Variants in OPN5 observed in about 807,000 individuals in gnomAD.
OPN5 encodes opsin-5.
Under a neutral mutation model 41.7 loss-of-function variants are expected in OPN5, and 18 were observed. That is an observed-to-expected ratio of 0.43 (90% CI 0.30 to 0.64). The LOEUF is 0.64. OPN5 is among the 30% of genes least tolerant of loss of function. The pLI, the probability that OPN5 is intolerant of heterozygous loss-of-function variation, is 0.13. For missense variants in OPN5, 318 were observed against 434.5 expected, an observed-to-expected ratio of 0.73 and a Z score of 2.38; for synonymous variants, 178 against 164.3, an observed-to-expected ratio of 1.08 and a Z score of -0.64.
At chr6:47,813,954 C>T (rs922642886) in intron 6 of OPN5, among the ~76,000 whole-genome samples, 5 of 151,724 alleles carry the variant, frequency 3.3e-5, no homozygotes, top group Admixed American at 6.6e-5. Context: ...ATGTTGAATG[C>T]GGAGCATTTG....
At chr6:47,800,676 G>C (rs183972184) in intron 4 of OPN5, among the ~76,000 whole-genome samples, 1 of 152,246 alleles carries the variant, frequency 6.6e-6, no homozygotes, top group Admixed American at 6.5e-5. Flanking sequence ...TTTGGGGAAA[G>C]GCCTGTTATC....
intron 6 of OPN5, 105 bp downstream of exon 6, chr6:47,811,836 AT>A: frequency 1.5e-6 from 1 of 666,244 alleles, no homozygotes; most frequent in Non-Finnish European, 2.5e-6. Flanking sequence ...TTTATATTAT[AT>A]TTTTATATTT....
chr6:47,796,879 G>T (rs972674009), intron 4 of OPN5, among the ~76,000 whole-genome samples: 2 of 152,220 alleles, frequency 1.3e-5, no homozygotes, highest in East Asian at 3.8e-4. Context: ...AAAGGAAAGA[G>T]ATTTAATTGA....
chr6:47,787,109 G>A (rs1773216181), intron 2 of OPN5: 1 of 981,802 alleles, frequency 1.0e-6, no homozygotes, highest in Non-Finnish European at 1.2e-6. Flanking sequence ...AGAGGAAAGA[G>A]GTGCCCTGCT....
intron 6 of OPN5, among the ~76,000 whole-genome samples, chr6:47,814,989 T>A (rs1762388714): frequency 1.3e-5 from 2 of 152,052 alleles, no homozygotes; most frequent in Admixed American, 1.3e-4. Context: ...AAATCCTAGA[T>A]CCCTGGACTT....
chr6:47,824,322 T>C (rs1561910005), exon 7 of OPN5: 2 of 363,250 alleles, frequency 5.5e-6, no homozygotes, highest in Non-Finnish European at 1.0e-5. Flanking sequence ...AAAGCTGGCC[T>C]GAAAAGCCTG....
At chr6:47,801,499 C>T (rs1773772092) in intron 4 of OPN5, among the ~76,000 whole-genome samples, 1 of 152,120 alleles carries the variant, frequency 6.6e-6, no homozygotes, top group Admixed American at 6.5e-5. Context: ...ATTCAGAAGA[C>T]CCCCTGTGTG....
At chr6:47,799,249 C>G (rs1038337926) in intron 4 of OPN5, among the ~76,000 whole-genome samples, 3 of 150,216 alleles carry the variant, frequency 2.0e-5, no homozygotes, top group Non-Finnish European at 4.4e-5. Context: ...ACATGATATA[C>G]ATGATATACA....
chr6:47,807,282 A>G (rs940423044), intron 4 of OPN5, among the ~76,000 whole-genome samples: 1 of 152,212 alleles, frequency 6.6e-6, no homozygotes, highest in African/African-American at 2.4e-5. Context: ...CTCAGGCTCT[A>G]GGTTTTACTG....
At chr6:47,787,181 G>GGTCCTCAAA in intron 2 of OPN5, 1 of 983,656 alleles carries the variant, frequency 1.0e-6, no homozygotes, top group Non-Finnish European at 1.2e-6. Flanking sequence ...CTGGTTCAGT[G>GGTCCTCAAA]GTCCTCAAAT....
At chr6:47,795,778 T>TCTCACACACACAAA (rs766899041) in intron 4 of OPN5, among the ~76,000 whole-genome samples, 1 of 142,804 alleles carries the variant, frequency 7.0e-6, no homozygotes, top group Non-Finnish European at 1.5e-5. Flanking sequence ...TCTCTCTCTC[T>TCTCACACACACAAA]CACACACACA....
chr6:47,800,727 C>A (rs746276960), intron 4 of OPN5, among the ~76,000 whole-genome samples: 1 of 152,144 alleles, frequency 6.6e-6, no homozygotes, highest in African/African-American at 2.4e-5. Context: ...GTCAGCCTGG[C>A]ACCCAATCCC....
intron 1 of OPN5, among the ~76,000 whole-genome samples, chr6:47,783,229 C>G (rs928766068): frequency 2.0e-5 from 3 of 151,980 alleles, no homozygotes; most frequent in African/African-American, 7.2e-5. Context: ...AGAAACCATA[C>G]TTTTCTTAAA....
intron 4 of OPN5, among the ~76,000 whole-genome samples, chr6:47,800,387 T>C (rs1309110339): frequency 6.6e-6 from 1 of 152,130 alleles, no homozygotes; most frequent in Non-Finnish European, 1.5e-5. Flanking sequence ...GAAGCTCTCC[T>C]CTTGAGCTGC....
chr6:47,819,792 T>A (rs1470060753), intron 6 of OPN5, among the ~76,000 whole-genome samples: 4 of 152,208 alleles, frequency 2.6e-5, no homozygotes, highest in Non-Finnish European at 5.9e-5. Context: ...GCTCATTCTG[T>A]ATTGATTGCA....
rs1303639972 is a variant in OPN5 at position 47,789,360 on chromosome 6, C to G, written c.251-2442C>G. ...TTATTTTCCTTCATTGTACTAATCA[C>G]TACCTATCTTTCTGTCATACCACAT... is the stretch of plus-strand genomic sequence containing the variant. On this transcript the variant is annotated intron_variant, in intron 2 of 6. Transcript: ENST00000371211. Among the ~76,000 whole-genome samples the G allele has an allele frequency of 2.0e-5, 3 of 151,922 alleles. No individual in the cohort carries two copies. The East Asian group carries it at 5.8e-4, about 29-fold the overall frequency.
chr6:47,784,865 C>T (rs754176288), intron 1 of OPN5, among the ~76,000 whole-genome samples: 4 of 152,028 alleles, frequency 2.6e-5, no homozygotes, highest in African/African-American at 4.8e-5. Flanking sequence ...AAAGTGTCCC[C>T]ACTTTGGTCT....
At chr6:47,797,079 C>T (rs141727979) in intron 4 of OPN5, among the ~76,000 whole-genome samples, 5 of 152,220 alleles carry the variant, frequency 3.3e-5, no homozygotes, top group Non-Finnish European at 7.4e-5. Context: ...CCCCATGATT[C>T]GATTACCTCT....
chr6:47,786,561 T>C (rs1245068511), exon 2 of OPN5: 1 of 1,610,470 alleles, frequency 6.2e-7, no homozygotes, highest in Admixed American at 1.7e-5. Context: ...ACATGTCTTC[T>C]AGACGAAAGA....
Sources: gnomAD v4.1 joint callset for allele counts (sites outside exome capture counted in the v4.1 genomes callset) on GRCh38, gnomAD v4.1.1 for gene constraint, MANE v1.5 for transcripts, NCBI Gene and HGNC (gene_info 2026-07-23, HGNC 2026-07-21) for gene names.